Variants in LRRTM3 observed in about 807,000 individuals in gnomAD.
LRRTM3 encodes the protein leucine rich repeat transmembrane neuronal 3, also known as leucine-rich repeat transmembrane neuronal protein 3.
LRRTM3 carries 24 observed loss-of-function variants against 44.7 expected under a neutral mutation model. That is an observed-to-expected ratio of 0.54 (90% CI 0.39 to 0.76). The LOEUF (loss-of-function observed/expected upper bound fraction) is 0.76, where lower values mean the gene tolerates loss of function less well. LRRTM3 is among the 30% of genes least tolerant of loss of function. The pLI, the probability that LRRTM3 is intolerant of heterozygous loss-of-function variation, is 0.00. For missense variants in LRRTM3, 587 were observed against 702.2 expected (o/e 0.84, Z 1.85); for synonymous variants, 277 against 278.7 (o/e 0.99, Z 0.06).
intron 2 of LRRTM3, among the ~76,000 whole-genome samples, chr10:66,942,377 T>A (rs1440191815): frequency 1.3e-5 from 2 of 152,212 alleles, no homozygotes; most frequent in Non-Finnish European, 2.9e-5. Flanking sequence ...TTAATGGACT[T>A]GCTCTATTAA....
At chr10:67,064,618 TA>T (rs911826424) in intron 2 of LRRTM3, among the ~76,000 whole-genome samples, 13 of 152,126 alleles carry the variant, frequency 8.5e-5, no homozygotes, top group Admixed American at 8.5e-4. Flanking sequence ...TCCATGTCAA[TA>T]AGGTTATTCA....
At chr10:67,042,109 A>G (rs894741240) in intron 2 of LRRTM3, among the ~76,000 whole-genome samples, 2 of 152,170 alleles carry the variant, frequency 1.3e-5, no homozygotes, top group African/African-American at 2.4e-5. Flanking sequence ...TAAACAGGAG[A>G]AAACTATGAA....
intron 2 of LRRTM3, among the ~76,000 whole-genome samples, chr10:67,084,336 T>C (rs1589715982): frequency 1.3e-5 from 2 of 152,064 alleles, no homozygotes; most frequent in East Asian, 3.9e-4. Context: ...GATGCTCCTG[T>C]TGGGCAACAG....
intron 2 of LRRTM3, among the ~76,000 whole-genome samples, chr10:67,085,554 T>C (rs776967936): frequency 5.9e-5 from 9 of 152,010 alleles, no homozygotes; most frequent in Non-Finnish European, 1.2e-4. Context: ...TTTATTAAAA[T>C]ATCAACAAGA....
At chr10:67,025,780 T>C (rs1853330677) in intron 2 of LRRTM3, among the ~76,000 whole-genome samples, 1 of 152,064 alleles carries the variant, frequency 6.6e-6, no homozygotes, top group Non-Finnish European at 1.5e-5. Context: ...ACTCAAATAC[T>C]GATGATCGCT....
At chr10:66,978,061 T>A (rs1207191936) in intron 2 of LRRTM3, among the ~76,000 whole-genome samples, 1 of 19,722 alleles carries the variant, frequency 5.1e-5, no homozygotes, top group Non-Finnish European at 1.5e-4. Flanking sequence ...CACATATATA[T>A]ATATATACAC....
At chr10:66,929,762 G>A (rs1409435429) in intron 2 of LRRTM3, among the ~76,000 whole-genome samples, 2 of 152,218 alleles carry the variant, frequency 1.3e-5, no homozygotes, top group Non-Finnish European at 2.9e-5. Context: ...CTGCATGCAT[G>A]TTTTTATGTC....
chr10:66,957,396 ATATATATATATATATATG>A (rs1848854009), intron 2 of LRRTM3, among the ~76,000 whole-genome samples: 10 of 6,922 alleles, frequency 1.4e-3, no homozygotes, highest in African/African-American at 7.6e-3. Flanking sequence ...ATATATACAT[ATATATATATATATATATG>A]CATATATATA....
At chr10:67,046,362 G>A (rs7911142) in intron 2 of LRRTM3, among the ~76,000 whole-genome samples, 68,917 of 151,954 alleles carry the variant, frequency 0.45, 15,973 homozygotes, top group Middle Eastern at 0.61. Context: ...AGATGTGAGC[G>A]AACAGCTTTT....
At chr10:66,988,705 T>TCAC (rs1333192184) in intron 2 of LRRTM3, among the ~76,000 whole-genome samples, 2 of 152,226 alleles carry the variant, frequency 1.3e-5, no homozygotes, top group South Asian at 2.1e-4. Flanking sequence ...TCTGATTAGG[T>TCAC]CACCTCTGAA....
intron 2 of LRRTM3, among the ~76,000 whole-genome samples, chr10:66,988,687 T>C (rs1332299967): frequency 6.6e-6 from 1 of 152,152 alleles, no homozygotes; most frequent in African/African-American, 2.4e-5. Context: ...TTTCAGAACA[T>C]TCTGCAGTCT....
intron 2 of LRRTM3, among the ~76,000 whole-genome samples, chr10:67,022,643 AATATACACT>A (rs1853097758): frequency 1.3e-5 from 2 of 152,178 alleles, no homozygotes; most frequent in South Asian, 4.1e-4. Context: ...AAAAATTTTA[AATATACACT>A]GAAGGCCGGG....
At chr10:66,960,375 A>G (rs1427654091) in intron 2 of LRRTM3, among the ~76,000 whole-genome samples, 1 of 152,116 alleles carries the variant, frequency 6.6e-6, no homozygotes, top group Non-Finnish European at 1.5e-5. Flanking sequence ...TAGCTGTCAA[A>G]CCAGATGTTG....
chr10:67,077,593 C>A (rs1344585487), intron 2 of LRRTM3, among the ~76,000 whole-genome samples: 1 of 152,174 alleles, frequency 6.6e-6, no homozygotes, highest in African/African-American at 2.4e-5. Flanking sequence ...TCTTGTGAAA[C>A]TTTCTTAGGA....
chr10:67,085,049 G>A (rs1857225280), intron 2 of LRRTM3, among the ~76,000 whole-genome samples: 1 of 151,874 alleles, frequency 6.6e-6, no homozygotes, highest in Non-Finnish European at 1.5e-5. Flanking sequence ...CTTCAAATTT[G>A]CTGTCCAAAT....
chr10:67,091,018 T>A (rs1735506084), intron 2 of LRRTM3, among the ~76,000 whole-genome samples: 1 of 152,076 alleles, frequency 6.6e-6, no homozygotes, highest in African/African-American at 2.4e-5. Context: ...AAAGGTATTT[T>A]CAATCAAGAG....
chr10:67,085,957 T>TG (rs1564881147), intron 2 of LRRTM3, among the ~76,000 whole-genome samples: 1 of 151,678 alleles, frequency 6.6e-6, no homozygotes. Flanking sequence ...AGAAGATCTT[T>TG]CCCTCCACTC....
intron 2 of LRRTM3, among the ~76,000 whole-genome samples, chr10:67,078,387 G>A (rs954165214): frequency 1.3e-5 from 2 of 152,150 alleles, no homozygotes; most frequent in African/African-American, 4.8e-5. Flanking sequence ...GTAAGGAAAT[G>A]AGAAAGAAAA....
At chr10:67,090,142 CA>C (rs1174430457) in intron 2 of LRRTM3, among the ~76,000 whole-genome samples, 1 of 152,050 alleles carries the variant, frequency 6.6e-6, no homozygotes, top group African/African-American at 2.4e-5. Context: ...CATTTTTACA[CA>C]TATATGTATC....
Sources: allele counts gnomAD v4.1 joint callset (sites outside exome capture counted in the v4.1 genomes callset), GRCh38; gene constraint gnomAD v4.1.1; transcripts MANE v1.5; gene names NCBI Gene and HGNC (gene_info 2026-07-23, HGNC 2026-07-21).